The following TRA2A variants were observed in gnomAD, a reference collection of about 807,000 sequenced individuals.
The protein encoded by TRA2A is transformer 2 alpha homolog.
TRA2A carries 31 observed loss-of-function variants against 45.7 expected under a neutral mutation model. The ratio of observed to expected loss-of-function variants is 0.68; its 90% CI spans 0.51 to 0.92. TRA2A has a LOEUF of 0.92. Ranked by LOEUF, TRA2A falls within the 40% of genes least tolerant of loss-of-function variation. The pLI is 0.00. For synonymous variants in TRA2A, 132 were observed against 126.2 expected, an observed-to-expected ratio of 1.05 and a Z score of -0.31; for missense variants, 304 against 367.5, an observed-to-expected ratio of 0.83 and a Z score of 1.41.
Position 23,505,500 on chromosome 7 carries a change from T to TTAAA in TRA2A, c.*58_*59insTTTA. On this transcript the variant is annotated 3_prime_UTR_variant, in exon 8 of 8. Coordinates refer to ENST00000297071, the MANE Select transcript of TRA2A (RefSeq NM_013293.5). ...CCACAGCTTGGGGAAATCTCAGAATTAAAAAAAAAAAAAAAAAAAAGAGGA... is the reference window on the plus strand; with the variant it reads ...CCACAGCTTGGGGAAATCTCAGAATTTAAAAAAAAAAAAAAAAAAAAAAAGAGGA... 1 of 350,784 alleles carries TTAAA rather than the reference T, an allele frequency of 2.9e-6. No homozygotes were observed. The highest frequency in any genetic ancestry group is 4.8e-6 in the Non-Finnish European group (1 of 209,314). The allele number at this position is 350,784 out of a possible 1,614,324, so 21.7% of individuals were successfully genotyped here. A position where few individuals can be genotyped will look rare whatever the true frequency, so the allele number is the denominator to read the frequency against.
At chr7:23,528,214 T>TTTTTG (rs375520924) in intron 1 of TRA2A, among the ~76,000 whole-genome samples, 5 of 151,660 alleles carry the variant, frequency 3.3e-5, no homozygotes, top group African/African-American at 9.8e-5. Context: ...TCTGTGTTTT[T>TTTTTG]TTTTGTTTTG....
chr7:23,531,409 G>A (rs1790576674), intron 1 of TRA2A: 1 of 300,376 alleles, frequency 3.3e-6, no homozygotes. Context: ...ACCGCAGGAA[G>A]CACCTACCAC....
chr7:23,531,692 C>T, intron 1 of TRA2A, 97 bp downstream of exon 1: 1 of 1,387,692 alleles, frequency 7.2e-7, no homozygotes, highest in Non-Finnish European at 1.0e-6. Flanking sequence ...GGTTGCTCCT[C>T]GCGGGACTAC....
intron 2 of TRA2A, among the ~76,000 whole-genome samples, chr7:23,517,898 C>A (rs999311921): frequency 6.6e-6 from 1 of 151,434 alleles, no homozygotes; most frequent in Non-Finnish European, 1.5e-5. Flanking sequence ...GGAACAAGCA[C>A]AAAACTCTGT....
At chr7:23,526,489 G>A (rs1790345260) in intron 1 of TRA2A, among the ~76,000 whole-genome samples, 1 of 152,172 alleles carries the variant, frequency 6.6e-6, no homozygotes, top group Non-Finnish European at 1.5e-5. Context: ...GAAGGGAAAT[G>A]TACCGAAATT....
At chr7:23,515,076 T>C (rs1789798798) in intron 3 of TRA2A, among the ~76,000 whole-genome samples, 1 of 152,174 alleles carries the variant, frequency 6.6e-6, no homozygotes, top group Non-Finnish European at 1.5e-5. Flanking sequence ...TTAAAAGCTT[T>C]AAGTGTACTG....
intron 4 of TRA2A, among the ~76,000 whole-genome samples, chr7:23,509,270 A>AC (rs1554345272): frequency 6.6e-6 from 1 of 151,442 alleles, no homozygotes; most frequent in Non-Finnish European, 1.5e-5. Flanking sequence ...CATCCTAAGC[A>AC]CCCCCCAAAA....
intron 4 of TRA2A, 116 bp downstream of exon 4, chr7:23,512,778 A>AAG (rs1293397579): frequency 4.1e-6 from 4 of 975,566 alleles, no homozygotes; most frequent in Non-Finnish European, 5.7e-6. Context: ...ATCTTTAAAA[A>AAG]AAAAAAAAAG....
intron 2 of TRA2A, 24 bp downstream of exon 2, chr7:23,521,683 A>C (rs1315270848): frequency 1.9e-6 from 3 of 1,610,534 alleles, no homozygotes; most frequent in Non-Finnish European, 2.5e-6. Context: ...AGAATATTTT[A>C]AGTATTATCT....
chr7:23,526,889 T>C (rs889199583), intron 1 of TRA2A, among the ~76,000 whole-genome samples: 7 of 152,200 alleles, frequency 4.6e-5, no homozygotes, highest in Admixed American at 1.3e-4. Context: ...AGTCTTATCA[T>C]AAATACATGA....
rs781452999 is a variant in TRA2A at position 23,516,465 on chromosome 7, A to G, written c.234T>C (p.His78=). Residue 78 remains histidine, a synonymous_variant, in exon 3 of 8, where the codon CAT becomes CAC. Transcript: ENST00000297071. Reference sequence around the variant, plus strand: ...ATGATCTACTTCGAGATCGTCTCCTATGAGAGTGAGAGTGGGATCTGGATC... The same window carrying G: ...ATGATCTACTTCGAGATCGTCTCCTGTGAGAGTGAGAGTGGGATCTGGATC... ...YTRSRSHSHS[H]RRRSRSRSYT... 13 of 1,614,054 alleles carry G rather than the reference A, an allele frequency of 8.1e-6. No individual in the cohort carries two copies. Among genetic ancestry groups the G allele is most frequent in the African/African-American group, 5.3e-5 (4 of 74,938 alleles).
At chr7:23,518,401 G>T (rs547742764) in intron 2 of TRA2A, among the ~76,000 whole-genome samples, 1 of 151,984 alleles carries the variant, frequency 6.6e-6, no homozygotes, top group Non-Finnish European at 1.5e-5. Context: ...GAGTGCAATG[G>T]CACAATCTCA....
chr7:23,521,510 T>C (rs1021857425), intron 2 of TRA2A, among the ~76,000 whole-genome samples, 197 bp downstream of exon 2: 3 of 152,224 alleles, frequency 2.0e-5, no homozygotes, highest in Non-Finnish European at 4.4e-5. Flanking sequence ...GTGCAATCAA[T>C]GCAGCCTGGA....
At chr7:23,524,476 G>A (rs867996911) in intron 1 of TRA2A, among the ~76,000 whole-genome samples, 7 of 151,174 alleles carry the variant, frequency 4.6e-5, no homozygotes, top group South Asian at 2.1e-4. Context: ...GAGCCACCGC[G>A]CCCGGCCAAC....
intron 4 of TRA2A, among the ~76,000 whole-genome samples, chr7:23,509,715 G>C (rs1789509345): frequency 6.8e-6 from 1 of 146,742 alleles, no homozygotes; most frequent in Admixed American, 6.8e-5. Context: ...CCTGGCAACA[G>C]AGCAAGACTC....
At chr7:23,522,986 C>A (rs1333339492) in intron 1 of TRA2A, among the ~76,000 whole-genome samples, 1 of 152,114 alleles carries the variant, frequency 6.6e-6, no homozygotes, top group Non-Finnish European at 1.5e-5. Flanking sequence ...TATCTTTGCT[C>A]ATTCTGACTT....
intron 4 of TRA2A, among the ~76,000 whole-genome samples, chr7:23,510,097 C>T (rs1789527827): frequency 6.6e-6 from 1 of 152,144 alleles, no homozygotes; most frequent in Non-Finnish European, 1.5e-5. Flanking sequence ...CTTCAGATTG[C>T]CTGTCCCTAA....
intron 5 of TRA2A, chr7:23,507,170 G>T: frequency 2.1e-6 from 1 of 474,900 alleles, no homozygotes; most frequent in Non-Finnish European, 3.7e-6. Context: ...CTGTTGCCCA[G>T]GCTCACTGCA....
rs70954385 is a variant in TRA2A, at chr7:23,517,477, CAAAAAAA to C, written c.171-956_171-950del. 7.5e-3 allele frequency among the ~76,000 whole-genome samples: 105 copies of C among 13,936 alleles called. 2 individuals are homozygous for C. The highest frequency in any genetic ancestry group is 0.04 in the Admixed American group (33 of 818). 9.1% of individuals were successfully genotyped at this position (13,936 alleles called of 152,430 possible). ...TGGGCGACAGAGCAAGACTACGTCT[CAAAAAAA>C]AAAAAAAAAAAAAAAAAAAAGAGAG... On this transcript the variant is annotated intron_variant, in intron 2 of 7. Coordinates refer to ENST00000297071, the MANE Select transcript of TRA2A (RefSeq NM_013293.5).
Sources: allele counts gnomAD v4.1 joint callset (sites outside exome capture counted in the v4.1 genomes callset), GRCh38; gene constraint gnomAD v4.1.1; transcripts MANE v1.5; gene names NCBI Gene and HGNC (gene_info 2026-07-23, HGNC 2026-07-21).